The following SRGAP2 variants were observed in gnomAD, a reference collection of about 807,000 sequenced individuals.
The protein encoded by SRGAP2 is SLIT-ROBO Rho GTPase-activating protein 2.
Under a neutral mutation model 57.2 loss-of-function variants are expected in SRGAP2, and 15 were observed. The ratio of observed to expected loss-of-function variants is 0.26; its 90% CI spans 0.18 to 0.40. SRGAP2 has a LOEUF of 0.40. Among genes scored for constraint, SRGAP2 ranks in the 10% least tolerant of loss-of-function variants. The probability of loss-of-function intolerance (pLI) is 1.00; values close to 1 mark genes in which losing one functional copy is unlikely to be tolerated. For missense variants in SRGAP2, 520 were observed against 669.6 expected (o/e 0.78, Z 2.47); for synonymous variants, 249 against 248.0 (o/e 1.00, Z -0.04).
In SRGAP2 at chr1:206,459,806, C is replaced by T. The variant is rs566842235; in HGVS notation, c.2832+859C>T. ...TGGCTTAATTGTGGTTCTCTGCTTACGGAGATGTACCTGGCAAGCCCAGTA... is the reference window on the plus strand; with the variant it reads ...TGGCTTAATTGTGGTTCTCTGCTTATGGAGATGTACCTGGCAAGCCCAGTA... On this transcript the variant is annotated intron_variant, in intron 22 of 22. Transcript: ENST00000573034. 5.9e-5 allele frequency among the ~76,000 whole-genome samples: 9 copies of T among 152,284 alleles called. No homozygotes were observed. The East Asian group carries it at 7.7e-4, about 13-fold the overall frequency.
intron 10 of SRGAP2, among the ~76,000 whole-genome samples, chr1:206,414,840 A>G (rs1553360886): frequency 6.6e-6 from 1 of 152,246 alleles, no homozygotes; most frequent in East Asian, 1.9e-4. Context: ...CGAATGAGAG[A>G]ATATGCGGTG....
At chr1:206,393,759 G>A (rs1477833738) in intron 7 of SRGAP2, 86 bp downstream of exon 7, 2 of 525,704 alleles carry the variant, frequency 3.8e-6, no homozygotes, top group African/African-American at 3.9e-5. Context: ...TATTGTTCAG[G>A]AATCTGGTGC....
rs533076741 is a variant in SRGAP2 at position 206,222,532 on chromosome 1, A to AT, written c.67+16501dup. Reference sequence around the variant, plus strand: ...TGTATAGATTTTTGTGTATACAGGTATTTTTTAGAAAATAGAGATAAGCCA... The same window carrying AT: ...TGTATAGATTTTTGTGTATACAGGTATTTTTTTAGAAAATAGAGATAAGCCA... On this transcript the variant is annotated intron_variant, in intron 2 of 22. Coordinates refer to ENST00000573034, the MANE Select transcript of SRGAP2 (RefSeq NM_015326.5). Among the ~76,000 whole-genome samples the AT allele has an allele frequency of 6.2e-3, 862 of 140,152 alleles. 3 individuals carry two copies. The highest frequency in any genetic ancestry group is 0.028 in the Middle Eastern group (8 of 282). 91.9% of individuals were successfully genotyped at this position (140,152 alleles called of 152,430 possible).
chr1:206,213,451 T>A (rs1553302769), intron 2 of SRGAP2: 2 of 291,364 alleles, frequency 6.9e-6, no homozygotes, highest in African/African-American at 4.6e-5. Context: ...GCTACCCAGA[T>A]TAGTTTCTGG....
At chr1:206,459,744 C>T (rs1047977960) in intron 22 of SRGAP2, among the ~76,000 whole-genome samples, 15 of 152,344 alleles carry the variant, frequency 9.8e-5, no homozygotes, top group Non-Finnish European at 1.6e-4. Context: ...CTTACCCCAT[C>T]TTCCAGGGGG....
intron 3 of SRGAP2, among the ~76,000 whole-genome samples, chr1:206,306,155 C>A (rs1209380925): frequency 2.0e-5 from 3 of 152,066 alleles, no homozygotes; most frequent in African/African-American, 7.2e-5. Context: ...ATCTTGTGTC[C>A]GGAATTGGTG....
chr1:206,399,829 C>T (rs1657969218), intron 7 of SRGAP2, among the ~76,000 whole-genome samples: 2 of 152,324 alleles, frequency 1.3e-5, no homozygotes, highest in Non-Finnish European at 2.9e-5. Context: ...CATGCCCGTG[C>T]AGAGTCCTAA....
intron 2 of SRGAP2, among the ~76,000 whole-genome samples, chr1:206,241,350 C>A (rs1394442029): frequency 1.3e-5 from 2 of 151,892 alleles, no homozygotes; most frequent in African/African-American, 4.8e-5. Flanking sequence ...AGACAGACTT[C>A]CTTTTCTACC....
intron 5 of SRGAP2, among the ~76,000 whole-genome samples, chr1:206,387,375 GACTGTT>G (rs1316456417): frequency 2.7e-5 from 4 of 146,014 alleles, no homozygotes; most frequent in Non-Finnish European, 5.9e-5. Context: ...GGGAAGCTGG[GACTGTT>G]ACATGCTAGC....
chr1:206,237,176 C>G (rs1269600408), intron 2 of SRGAP2, among the ~76,000 whole-genome samples: 1 of 151,904 alleles, frequency 6.6e-6, no homozygotes, highest in Non-Finnish European at 1.5e-5. Context: ...GCACAAGAAT[C>G]TCTTGAACCC....
intron 13 of SRGAP2, among the ~76,000 whole-genome samples, chr1:206,422,754 C>T (rs1660426967): frequency 6.6e-6 from 1 of 152,190 alleles, no homozygotes. Context: ...GGGAACAGCA[C>T]CCATCTGGTT....
chr1:206,275,640 G>A (rs1309301560), intron 2 of SRGAP2, among the ~76,000 whole-genome samples: 3 of 145,052 alleles, frequency 2.1e-5, no homozygotes, highest in Non-Finnish European at 3.0e-5. Flanking sequence ...TTTTGAGACA[G>A]AGTCTCACTC....
chr1:206,324,474 G>T lies in SRGAP2; in HGVS notation c.261-18372G>T, dbSNP rs569421621. On this transcript the variant is annotated intron_variant, in intron 3 of 22. Transcript: ENST00000573034. Reference sequence around the variant, plus strand: ...GTCCTTTTCATATAGAGAAGGTAAGGCTGGGGCCTCTGTGTCTGTGGGTAC... The same window carrying T: ...GTCCTTTTCATATAGAGAAGGTAAGTCTGGGGCCTCTGTGTCTGTGGGTAC... Among the ~76,000 whole-genome samples the T allele has an allele frequency of 3.3e-5, 5 of 152,266 alleles. No individual in the cohort carries two copies. In the South Asian group the frequency reaches 1.0e-3, roughly 32 times the overall value.
chr1:206,254,571 A>G (rs1332379132), intron 2 of SRGAP2, among the ~76,000 whole-genome samples: 7 of 149,022 alleles, frequency 4.7e-5, no homozygotes, highest in Non-Finnish European at 1.0e-4. Flanking sequence ...GTTGACTCCC[A>G]TGGCCTTTTG....
Position 206,461,171 on chromosome 1 carries a change from G to A in SRGAP2, c.2967G>A (p.Thr989=), listed in dbSNP as rs534180570. The A allele has an allele frequency of 2.3e-5, 18 of 780,570 alleles. No homozygotes were observed. The highest frequency in any genetic ancestry group is 1.7e-4 in the African/African-American group (10 of 59,244). The allele number at this position is 780,570 out of a possible 1,614,324, so 48.4% of individuals were successfully genotyped here. A position where few individuals can be genotyped will look rare whatever the true frequency, so the allele number is the denominator to read the frequency against. Residue 989 remains threonine (T), a synonymous_variant, in exon 23 of 23, where the codon ACG becomes ACA. Coordinates refer to ENST00000573034, the MANE Select transcript of SRGAP2 (RefSeq NM_015326.5). ...AAACCTCCCCAGTGGTGGCCCCCAC[G>A]TCAGAGCCCTCCAGCCCTCTGCACA... The part of the protein sequence containing the change: ...PLKTSPVVAP[T]SEPSSPLHTQ...
chr1:206,333,725 T>G (rs1368871941), intron 3 of SRGAP2, among the ~76,000 whole-genome samples: 31 of 149,828 alleles, frequency 2.1e-4, no homozygotes, highest in African/African-American at 7.4e-4. Context: ...GAAGAGATTT[T>G]GAGACCCAGA....
chr1:206,392,983 A>T, intron 6 of SRGAP2, 79 bp downstream of exon 6: 1 of 717,016 alleles, frequency 1.4e-6, no homozygotes, highest in Admixed American at 2.0e-5. Context: ...CCCAGTAGTC[A>T]CTGGGAAGAG....
intron 14 of SRGAP2, 83 bp from the exon 15 acceptor site, chr1:206,436,882 G>T: frequency 1.3e-6 from 1 of 770,030 alleles, no homozygotes. Flanking sequence ...CTGGCTGGGG[G>T]AGACAGATAT....
At chr1:206,378,576 C>A (rs1267152942) in intron 4 of SRGAP2, among the ~76,000 whole-genome samples, 1 of 152,182 alleles carries the variant, frequency 6.6e-6, no homozygotes, top group African/African-American at 2.4e-5. Context: ...AGCTGGACTT[C>A]CTCGGTGGAG....
Sources: allele counts gnomAD v4.1 joint callset (sites outside exome capture counted in the v4.1 genomes callset), GRCh38; gene constraint gnomAD v4.1.1; transcripts MANE v1.5; gene names NCBI Gene and HGNC (gene_info 2026-07-23, HGNC 2026-07-21).